Variants in ENTHD1 observed in about 807,000 individuals in gnomAD.
ENTHD1 encodes the protein ENTH domain-containing protein 1.
Under a neutral mutation model 39.1 loss-of-function variants are expected in ENTHD1, and 23 were observed. The observed-to-expected ratio is 0.59, with a 90% CI of 0.42 to 0.83. ENTHD1 has a LOEUF of 0.83. Among genes scored for constraint, ENTHD1 ranks in the 40% least tolerant of loss-of-function variants. ENTHD1 has a pLI of 0.00. For missense variants in ENTHD1, 624 were observed against 705.4 expected, an observed-to-expected ratio of 0.88 and a Z score of 1.31; for synonymous variants, 230 against 258.2, an observed-to-expected ratio of 0.89 and a Z score of 1.05.
At chr22:39,840,312 A>C (rs2065934182) in intron 3 of ENTHD1, among the ~76,000 whole-genome samples, 1 of 152,220 alleles carries the variant, frequency 6.6e-6, no homozygotes, top group Non-Finnish European at 1.5e-5. Context: ...ACTTTGTGGA[A>C]ACTATCTAGA....
Position 39,765,292 on chromosome 22 carries a change from T to C in ENTHD1, c.1150A>G (p.Lys384Glu). 6.2e-7 allele frequency: 1 copy of C among 1,613,752 alleles called. No individual in the cohort carries two copies. The change falls in exon 6 of 7, where the codon AAG (lysine) becomes GAG (glutamate). Residue 384 changes from lysine to glutamate, a missense_variant. Lys to Glu is a moderately conservative substitution (Grantham distance 56). Coordinates refer to ENST00000325157, the MANE Select transcript of ENTHD1 (RefSeq NM_152512.4). Reference sequence around the variant, plus strand: ...GATTGTGCTGGTTTCTGGTAGGCCTTGTTGATTACAATCTCCTTCACTCGG... The same window carrying C: ...GATTGTGCTGGTTTCTGGTAGGCCTCGTTGATTACAATCTCCTTCACTCGG... ...FDRVKEIVINKAYQKPAQSSI... is the reference protein window; with the variant it reads ...FDRVKEIVINEAYQKPAQSSI...
chr22:39,863,285 C>G (rs1201271596), intron 2 of ENTHD1, among the ~76,000 whole-genome samples: 1 of 152,116 alleles, frequency 6.6e-6, no homozygotes, highest in East Asian at 1.9e-4. Flanking sequence ...TACAGGGGTA[C>G]AGTTGGGGTG....
At chr22:39,852,191 C>G (rs1280637991) in intron 3 of ENTHD1, among the ~76,000 whole-genome samples, 2 of 151,486 alleles carry the variant, frequency 1.3e-5, no homozygotes, top group Admixed American at 6.6e-5. Flanking sequence ...AACCCAAAAA[C>G]CCAAATTTAG....
In ENTHD1 at chr22:39,893,748, T is replaced by G. The variant is rs1355685801; in HGVS notation, c.-209A>C. On this transcript the variant is annotated 5_prime_UTR_variant, in exon 1 of 7. Coordinates refer to ENST00000325157, the MANE Select transcript of ENTHD1 (RefSeq NM_152512.4). ...GACCAAACTTCCTCTCCCCAGGATA[T>G]TCCACCTACTCCAGCCAGGCTCAAG... 1 of 152,290 alleles carries G rather than the reference T, an allele frequency of 6.6e-6. No homozygotes were observed. The highest frequency in any genetic ancestry group is 6.5e-5 in the Admixed American group (1 of 15,280). 9.4% of individuals were successfully genotyped at this position (152,290 alleles called of 1,614,324 possible). A position where few individuals can be genotyped will look rare whatever the true frequency, so the allele number is the denominator to read the frequency against.
chr22:39,875,313 C>T (rs1302451889), intron 2 of ENTHD1: 11 of 1,284,364 alleles, frequency 8.6e-6, no homozygotes, highest in Non-Finnish European at 1.1e-5. Context: ...GCAGCCCGCT[C>T]GGGCCCGTTC....
At chr22:39,845,074 T>TA (rs771360467) in intron 3 of ENTHD1, among the ~76,000 whole-genome samples, 1,815 of 120,916 alleles carry the variant, frequency 0.015, 37 homozygotes, top group African/African-American at 0.048. Context: ...AAAAATGGAT[T>TA]AAAAAAAAAA....
At chr22:39,873,464 A>G (rs538814579) in intron 2 of ENTHD1, among the ~76,000 whole-genome samples, 2 of 152,300 alleles carry the variant, frequency 1.3e-5, no homozygotes, top group East Asian at 3.9e-4. Flanking sequence ...TTAAGACTCA[A>G]CTAGGAGAGG....
chr22:39,887,464 C>T lies in ENTHD1; in HGVS notation c.285G>A (p.Glu95=), dbSNP rs2146778651. 1 of 1,614,102 alleles carries T rather than the reference C, an allele frequency of 6.2e-7. No homozygotes were observed. Among genetic ancestry groups the T allele is most frequent in the Non-Finnish European group, 8.5e-7 (1 of 1,180,004 alleles). ...GSKKVIQHCR[E]GFCNLQTLKD... is the part of the protein sequence containing the mutation. ...TTAGTGTTTGAAGGTTACAGAACCC[C>T]TCTCTGCAATGCTGAATAACTTTCT... The change falls in exon 2 of 7, where the codon GAG becomes GAA. Residue 95 remains glutamate (E), a synonymous_variant. Transcript: ENST00000325157.
chr22:39,812,282 C>T (rs2065694105), intron 5 of ENTHD1, among the ~76,000 whole-genome samples: 1 of 152,196 alleles, frequency 6.6e-6, no homozygotes, highest in Non-Finnish European at 1.5e-5. Flanking sequence ...CTACAGCCCA[C>T]TCAGAAGTGC....
At chr22:39,746,564 A>T (rs1321835652) in intron 6 of ENTHD1, among the ~76,000 whole-genome samples, 1 of 152,228 alleles carries the variant, frequency 6.6e-6, no homozygotes. Context: ...AGTTGAAAGG[A>T]ACGTTGAGTG....
At chr22:39,865,375 T>C (rs1415626485) in intron 2 of ENTHD1, among the ~76,000 whole-genome samples, 2 of 151,966 alleles carry the variant, frequency 1.3e-5, no homozygotes, top group African/African-American at 4.8e-5. Flanking sequence ...GAGAAGGTAC[T>C]AGAGATACTA....
intron 6 of ENTHD1, among the ~76,000 whole-genome samples, chr22:39,760,094 A>C (rs2065219959): frequency 1.3e-5 from 2 of 152,064 alleles, no homozygotes; most frequent in South Asian, 4.1e-4. Flanking sequence ...AAAAAAAGAA[A>C]AATAATGTAT....
chr22:39,765,209 T>TGTG lies in ENTHD1; in HGVS notation c.1219+13_1219+14insCAC. The stretch of plus-strand genomic sequence containing the variant: ...GTGTGTGTGTGTGTGTGTGTGTGTG[T>TGTG]TTGGCAGACTCACCCCGTGTGGTTG... On this transcript the variant is annotated intron_variant, in intron 6 of 6. Coordinates refer to ENST00000325157, the MANE Select transcript of ENTHD1 (RefSeq NM_152512.4). 1 of 1,564,486 alleles carries TGTG rather than the reference T, an allele frequency of 6.4e-7. No individual in the cohort carries two copies. The highest frequency in any genetic ancestry group is 8.7e-7 in the Non-Finnish European group (1 of 1,154,918).
rs773836382 is a variant in ENTHD1 at position 39,743,910 on chromosome 22, A to G, written c.1593T>C (p.Gly531=). 9 of 1,614,134 alleles carry G rather than the reference A, an allele frequency of 5.6e-6. No individual in the cohort carries two copies. The highest frequency in any genetic ancestry group is 1.3e-5 in the African/African-American group (1 of 75,034). ...VDQFIPLSCS[G]FQSTKDFPQE... is the part of the protein sequence containing the mutation. ...GGGGGAAGTCTTTGGTTGACTGAAA[A>G]CCAGAACAGGACAGAGGGATGAACT... The change falls in exon 7 of 7, where the codon GGT becomes GGC. Residue 531 remains glycine, a synonymous_variant. Coordinates refer to ENST00000325157, the MANE Select transcript of ENTHD1 (RefSeq NM_152512.4).
intron 6 of ENTHD1, among the ~76,000 whole-genome samples, chr22:39,755,098 A>G (rs2065174860): frequency 6.6e-6 from 1 of 152,246 alleles, no homozygotes; most frequent in African/African-American, 2.4e-5. Flanking sequence ...AATAAGAAAC[A>G]GCAGACACGG....
intron 5 of ENTHD1, among the ~76,000 whole-genome samples, chr22:39,776,734 G>A (rs143761015): frequency 9.2e-5 from 14 of 152,306 alleles, no homozygotes; most frequent in African/African-American, 1.2e-4. Context: ...GAATAGCTAA[G>A]CTGTTAAAGT....
chr22:39,765,199 T>C (rs771854111), intron 6 of ENTHD1, 24 bp downstream of exon 6: 1 of 1,557,298 alleles, frequency 6.4e-7, no homozygotes, highest in Admixed American at 1.9e-5. Context: ...TGTGTGTGTG[T>C]GTGTGTGTGT....
chr22:39,764,365 A>G (rs1410555780), intron 6 of ENTHD1, among the ~76,000 whole-genome samples: 1 of 152,120 alleles, frequency 6.6e-6, no homozygotes, highest in Non-Finnish European at 1.5e-5. Flanking sequence ...AGTCGTAGCT[A>G]TTTGGAAGGC....
rs780530746 is a variant in ENTHD1, at chr22:39,867,353, C to T, written c.350-5346G>A. Among the ~76,000 whole-genome samples the T allele has an allele frequency of 3.3e-5, 5 of 151,918 alleles. No homozygotes were observed. Among genetic ancestry groups the T allele is most frequent in the Non-Finnish European group, 7.4e-5 (5 of 68,002 alleles). On this transcript the variant is annotated intron_variant, in intron 2 of 6. Coordinates refer to ENST00000325157, the MANE Select transcript of ENTHD1 (RefSeq NM_152512.4). The surrounding 1 kb of genome is among the most constrained non-coding windows in gnomAD (Gnocchi z 4.5). The stretch of plus-strand genomic sequence containing the variant: ...AAACACGTGCTAGGCTTCAAACAAT[C>T]GTAAAAATCTTAATACTCCTGTCTC...
Sources: allele counts gnomAD v4.1 joint callset (sites outside exome capture counted in the v4.1 genomes callset), GRCh38; gene constraint gnomAD v4.1.1; non-coding constraint Gnocchi (gnomAD v3.1); transcripts MANE v1.5; gene names NCBI Gene and HGNC (gene_info 2026-07-23, HGNC 2026-07-21).